PPM1H: variants seen among roughly 807,000 people sequenced by gnomAD.
PPM1H encodes protein phosphatase, Mg2+/Mn2+ dependent 1H, also known as protein phosphatase 1H.
A neutral mutation model predicts 54.9 loss-of-function variants in PPM1H; 27 were observed. The ratio of observed to expected loss-of-function variants is 0.49; its 90% CI spans 0.36 to 0.68. PPM1H has a LOEUF of 0.68. Among genes scored for constraint, PPM1H ranks in the 30% least tolerant of loss-of-function variants. The probability of loss-of-function intolerance (pLI) is 0.00; values close to 1 mark genes in which losing one functional copy is unlikely to be tolerated. For synonymous variants in PPM1H, 305 were observed against 270.8 expected, an observed-to-expected ratio of 1.13 and a Z score of -1.24; for missense variants, 596 against 667.8, an observed-to-expected ratio of 0.89 and a Z score of 1.19.
At chr12:62,867,838 C>A (rs1869840494) in intron 1 of PPM1H, among the ~76,000 whole-genome samples, 1 of 151,836 alleles carries the variant, frequency 6.6e-6, no homozygotes, top group Admixed American at 6.6e-5. Context: ...GCAAAGAAAG[C>A]AAATGTTCTT....
intron 8 of PPM1H, among the ~76,000 whole-genome samples, chr12:62,675,918 G>A (rs999443317): frequency 2.6e-4 from 39 of 152,290 alleles, no homozygotes; most frequent in African/African-American, 8.9e-4. Flanking sequence ...AGTCAATCCC[G>A]CTGATTGCAG....
chr12:62,684,827 C>T lies in PPM1H; in HGVS notation c.1245+4872G>A, dbSNP rs142305646. Among the ~76,000 whole-genome samples, 163 of 152,210 alleles carry T rather than the reference C, an allele frequency of 1.1e-3. 1 individual carries two copies. The highest frequency in any genetic ancestry group is 3.6e-3 in the African/African-American group (150 of 41,510). On this transcript the variant is annotated intron_variant, in intron 8 of 9. Transcript: ENST00000228705. ...CCTTAGGTGGTTTCAGTATGTTAAT[C>T]GAGCTTTCTAGGCTCCCAACAGAGG...
chr12:62,787,892 A>G (rs1005208731), intron 4 of PPM1H, among the ~76,000 whole-genome samples: 2 of 152,160 alleles, frequency 1.3e-5, no homozygotes, highest in Non-Finnish European at 2.9e-5. Flanking sequence ...GCCCCCTTCC[A>G]AACACCCAGG....
intron 3 of PPM1H, among the ~76,000 whole-genome samples, chr12:62,789,934 G>A (rs2076693897): frequency 6.6e-6 from 1 of 152,224 alleles, no homozygotes; most frequent in African/African-American, 2.4e-5. Context: ...TTGAATGCCT[G>A]GCTAAAATAA....
intron 4 of PPM1H, among the ~76,000 whole-genome samples, chr12:62,765,316 C>T (rs2076535265): frequency 1.3e-5 from 2 of 152,150 alleles, no homozygotes; most frequent in South Asian, 4.1e-4. Context: ...TTGCTAAATG[C>T]CTCTATGTGC....
At chr12:62,930,388 T>C (rs948858379) in intron 1 of PPM1H, among the ~76,000 whole-genome samples, 1 of 152,220 alleles carries the variant, frequency 6.6e-6, no homozygotes, top group South Asian at 2.1e-4. Context: ...AAATTAGCTA[T>C]ACTTAATGTA....
chr12:62,732,894 T>C (rs541219337), intron 5 of PPM1H, among the ~76,000 whole-genome samples: 2 of 152,294 alleles, frequency 1.3e-5, no homozygotes, highest in South Asian at 4.1e-4. Flanking sequence ...AATTTTTCAG[T>C]GACTAATAAC....
chr12:62,735,654 G>A (rs1378127573), intron 5 of PPM1H, among the ~76,000 whole-genome samples: 1 of 152,212 alleles, frequency 6.6e-6, no homozygotes, highest in Non-Finnish European at 1.5e-5. Flanking sequence ...AAGAGGGGGA[G>A]AGACCAGAAC....
intron 4 of PPM1H, among the ~76,000 whole-genome samples, chr12:62,747,067 T>C (rs1393267887): frequency 2.0e-5 from 3 of 152,184 alleles, no homozygotes; most frequent in African/African-American, 4.8e-5. Flanking sequence ...TCCTCCCACC[T>C]CAGCCTCCTG....
chr12:62,829,296 G>A (rs781327054), intron 2 of PPM1H, among the ~76,000 whole-genome samples: 14 of 152,184 alleles, frequency 9.2e-5, no homozygotes, highest in Non-Finnish European at 1.5e-4. Context: ...CTTATGTGAG[G>A]TACCTGCAGT....
chr12:62,708,776 G>A (rs1198866542), intron 6 of PPM1H, among the ~76,000 whole-genome samples: 1 of 152,062 alleles, frequency 6.6e-6, no homozygotes, highest in African/African-American at 2.4e-5. Context: ...TGTTACACTG[G>A]TATATTGTGT....
intron 1 of PPM1H, among the ~76,000 whole-genome samples, chr12:62,915,547 A>C (rs7296020): frequency 0.21 from 32,564 of 152,098 alleles, 3,619 homozygotes; most frequent in East Asian, 0.36. Flanking sequence ...ATCCATGACA[A>C]ATCCCAGGTT....
chr12:62,817,015 A>G (rs2641550), intron 2 of PPM1H, among the ~76,000 whole-genome samples: 5,537 of 150,788 alleles, frequency 0.037, 286 homozygotes, highest in African/African-American at 0.12. Context: ...AGCTGACATC[A>G]GCCTCCTCAA....
chr12:62,644,210 T>G lies in PPM1H; in HGVS notation c.*4279A>C, dbSNP rs2075773331. 1 of 152,062 alleles carries G rather than the reference T, an allele frequency of 6.6e-6. No homozygotes were observed. The highest frequency in any genetic ancestry group is 1.9e-4 in the East Asian group (1 of 5,176). The allele number at this position is 152,062 out of a possible 1,614,324, so 9.4% of individuals were successfully genotyped here. On this transcript the variant is annotated 3_prime_UTR_variant, in exon 10 of 10. Transcript: ENST00000228705. ...TTCTGAAACAATTTCCAGGCAGATTTCTCTCATTCACTGTACTAGGGTAGT... is the reference window on the plus strand; with the variant it reads ...TTCTGAAACAATTTCCAGGCAGATTGCTCTCATTCACTGTACTAGGGTAGT...
At chr12:62,662,122 G>C (rs1413843148) in intron 9 of PPM1H, among the ~76,000 whole-genome samples, 2 of 152,188 alleles carry the variant, frequency 1.3e-5, no homozygotes, top group Non-Finnish European at 2.9e-5. Flanking sequence ...TGTGCACGCT[G>C]CCCACAGGTT....
chr12:62,803,219 T>C (rs1002120466), intron 2 of PPM1H, among the ~76,000 whole-genome samples: 7 of 152,310 alleles, frequency 4.6e-5, no homozygotes, highest in African/African-American at 1.7e-4. Flanking sequence ...TACAGCTACA[T>C]GCAACCCGTG....
At chr12:62,792,888 A>G (rs2076708499) in intron 3 of PPM1H, among the ~76,000 whole-genome samples, 1 of 152,222 alleles carries the variant, frequency 6.6e-6, no homozygotes, top group Admixed American at 6.5e-5. Context: ...GTCAATAAAG[A>G]TACATTTACC....
At chr12:62,904,271 C>T (rs1020188679) in intron 1 of PPM1H, among the ~76,000 whole-genome samples, 1 of 151,872 alleles carries the variant, frequency 6.6e-6, no homozygotes, top group African/African-American at 2.4e-5. Context: ...AAGAGTCTCA[C>T]TCTGTTGCCC....
intron 5 of PPM1H, 66 bp from the exon 6 acceptor site, chr12:62,720,355 A>T: frequency 7.6e-7 from 1 of 1,308,562 alleles, no homozygotes; most frequent in Non-Finnish European, 1.1e-6. Context: ...AATAAGAATC[A>T]AGGATGTTTT....
Sources: gnomAD v4.1 joint callset for allele counts (sites outside exome capture counted in the v4.1 genomes callset) on GRCh38, gnomAD v4.1.1 for gene constraint, MANE v1.5 for transcripts, NCBI Gene and HGNC (gene_info 2026-07-23, HGNC 2026-07-21) for gene names.